Variants in C20orf96 observed in about 807,000 individuals in gnomAD.
C20orf96 encodes the protein chromosome 20 open reading frame 96.
Under a neutral mutation model 52.6 loss-of-function variants are expected in C20orf96, and 57 were observed. The observed-to-expected ratio is 1.08, with a 90% confidence interval of 0.88 to 1.35. The LOEUF is 1.35. Ranked by LOEUF, C20orf96 falls within the 40% of genes most tolerant of loss-of-function variation. The pLI is 0.00. For synonymous variants in C20orf96, 168 were observed against 157.2 expected (o/e 1.07, Z -0.51); for missense variants, 478 against 443.6 (o/e 1.08, Z -0.70).
chr20:273,903 AAGGGAGGGAGGGAGGGAGGG>A (rs1171376663), intron 10 of C20orf96, among the ~76,000 whole-genome samples: 5 of 43,916 alleles, frequency 1.1e-4, no homozygotes, highest in Admixed American at 2.4e-4. Context: ...GAAAGGAAGG[AAGGGAGGGAGGGAGGGAGGG>A]AGGGAGGGAG....
chr20:273,375 G>A (rs1255050645), intron 10 of C20orf96, among the ~76,000 whole-genome samples: 2 of 152,160 alleles, frequency 1.3e-5, no homozygotes, highest in Non-Finnish European at 2.9e-5. Context: ...GGGCCTACAG[G>A]GCACTGCATG....
At chr20:277,556 T>C (rs1425894740) in intron 6 of C20orf96, among the ~76,000 whole-genome samples, 173 bp from the exon 7 acceptor site, 4 of 152,056 alleles carry the variant, frequency 2.6e-5, no homozygotes, top group Non-Finnish European at 4.4e-5. Context: ...TAGACGGTTT[T>C]CCACCCCTGC....
intron 3 of C20orf96, among the ~76,000 whole-genome samples, chr20:288,005 G>T (rs1262423043): frequency 4.7e-5 from 7 of 148,208 alleles, no homozygotes; most frequent in Non-Finnish European, 8.9e-5. Flanking sequence ...TCAAGCTTTT[G>T]GTGTGATACC....
At chr20:282,901 A>C (rs2012288801) in intron 4 of C20orf96, among the ~76,000 whole-genome samples, 2 of 152,140 alleles carry the variant, frequency 1.3e-5, no homozygotes, top group African/African-American at 4.8e-5. Flanking sequence ...AACTAAGAGA[A>C]ATATGAGTTC....
At chr20:288,174 C>CTTTTT (rs1237648367) in intron 3 of C20orf96, among the ~76,000 whole-genome samples, 124 of 66,052 alleles carry the variant, frequency 1.9e-3, no homozygotes, top group African/African-American at 4.9e-3. Flanking sequence ...TTTTCTTTTT[C>CTTTTT]TTTTTTTTTT....
At chr20:281,290 G>A (rs547858347) in intron 4 of C20orf96, among the ~76,000 whole-genome samples, 3 of 151,876 alleles carry the variant, frequency 2.0e-5, no homozygotes, top group Admixed American at 2.0e-4. Flanking sequence ...GGAGTTTACG[G>A]CTGCAGTGAG....
At chr20:275,008 A>G (rs1307934828) in intron 10 of C20orf96, among the ~76,000 whole-genome samples, 4 of 152,060 alleles carry the variant, frequency 2.6e-5, no homozygotes, top group Non-Finnish European at 4.4e-5. Context: ...TAGTAGAGAC[A>G]GGGTTTCATC....
chr20:272,160 A>T (rs974948886), intron 10 of C20orf96, among the ~76,000 whole-genome samples: 1 of 151,966 alleles, frequency 6.6e-6, no homozygotes, highest in African/African-American at 2.4e-5. Flanking sequence ...TCATTATATC[A>T]TTCTCTCTTC....
chr20:287,457 A>G (rs577919412), intron 3 of C20orf96, among the ~76,000 whole-genome samples: 1 of 152,264 alleles, frequency 6.6e-6, no homozygotes. Flanking sequence ...TGACATCTGT[A>G]TATCTGCTTT....
At chr20:272,294 G>A (rs1055674934) in intron 10 of C20orf96, among the ~76,000 whole-genome samples, 4 of 151,884 alleles carry the variant, frequency 2.6e-5, no homozygotes, top group African/African-American at 9.7e-5. Flanking sequence ...CTTGTCAATT[G>A]CCCACCCAAT....
chr20:284,280 G>A lies in C20orf96; in HGVS notation c.188-199C>T, dbSNP rs80009904. ...CAGGACAGACTCTGGGCCTCAATAT[G>A]AGGGAGGGACAAGCCCAGGTGAAAG... On this transcript the variant is annotated intron_variant, in intron 3 of 10. Coordinates refer to ENST00000360321, the MANE Select transcript of C20orf96 (RefSeq NM_153269.3). Among the ~76,000 whole-genome samples the A allele has an allele frequency of 3.7e-3, 559 of 152,312 alleles. 3 individuals are homozygous for A. Among genetic ancestry groups the A allele is most frequent in the East Asian group, 0.024 (125 of 5,190 alleles).
intron 3 of C20orf96, among the ~76,000 whole-genome samples, chr20:288,163 TTTTTC>T (rs1169199261): frequency 1.6e-4 from 21 of 134,990 alleles, no homozygotes; most frequent in African/African-American, 6.2e-4. Context: ...CATTTCTTTC[TTTTTC>T]TTTTTCTTTT....
chr20:278,160 A>C (rs2012090090), intron 6 of C20orf96, among the ~76,000 whole-genome samples, 170 bp downstream of exon 6: 1 of 152,176 alleles, frequency 6.6e-6, no homozygotes, highest in South Asian at 2.1e-4. Context: ...GGAAAGAGCT[A>C]AGTGTTGGGT....
chr20:290,563 A>ATTTTTTTTTTTTTTTTTT, intron 1 of C20orf96, 28 bp downstream of exon 1: 1 of 1,309,060 alleles, frequency 7.6e-7, no homozygotes, highest in African/African-American at 2.0e-5. Context: ...CTTTCTTCCA[A>ATTTTTTTTTTTTTTTTTT]TTTTTTTTTT....
At chr20:289,491 A>G in intron 3 of C20orf96, 68 bp downstream of exon 3, 2 of 1,005,714 alleles carry the variant, frequency 2.0e-6, no homozygotes, top group South Asian at 2.6e-5. Context: ...TGGTGTCACC[A>G]AGAGCCAAAA....
Position 279,257 on chromosome 20 carries a change from C to A in C20orf96, c.380G>T (p.Arg127Leu). The A allele has an allele frequency of 6.2e-7, 1 of 1,611,130 alleles. No homozygotes were observed. ...SRENFLSKLN[R>L]ELIETIQEME... ...CTCCTGGATGGTCTCGATCAGCTCC[C>A]GGTTGAGCTTGCTGAGGAAGTTCTC... is the stretch of plus-strand genomic sequence containing the variant. The change falls in exon 5 of 11, where the codon CGG (arginine) becomes CTG (leucine). Residue 127 changes from arginine to leucine, a missense_variant. Transcript: ENST00000360321.
In C20orf96 at chr20:271,051, G is replaced by A; in HGVS notation, c.*156C>T. 1 of 591,248 alleles carries A rather than the reference G, an allele frequency of 1.7e-6. No individual in the cohort carries two copies. Among genetic ancestry groups the A allele is most frequent in the Non-Finnish European group, 3.0e-6 (1 of 332,956 alleles). 36.6% of individuals were successfully genotyped at this position (591,248 alleles called of 1,614,324 possible). On this transcript the variant is annotated 3_prime_UTR_variant, in exon 11 of 11. Transcript: ENST00000360321. ...GAAGGGAAGGGGGGAAGAAGGGAGGGAGGGAGGGAGGGAAAGAAAGAGGGA... is the reference window on the plus strand; with the variant it reads ...GAAGGGAAGGGGGGAAGAAGGGAGGAAGGGAGGGAGGGAAAGAAAGAGGGA...
At chr20:289,764 C>T in intron 2 of C20orf96, 88 bp from the exon 3 acceptor site, 2 of 1,027,668 alleles carry the variant, frequency 1.9e-6, no homozygotes. Flanking sequence ...AAGCAAGTGA[C>T]TTGACCTCTC....
chr20:279,257 C>T lies in C20orf96; in HGVS notation c.380G>A (p.Arg127Gln), dbSNP rs1413947915. Residue 127 changes from arginine (R) to glutamine (Q), a missense_variant, in exon 5 of 11, where the codon CGG (arginine) becomes CAG (glutamine). Coordinates refer to ENST00000360321, the MANE Select transcript of C20orf96 (RefSeq NM_153269.3). The part of the protein sequence containing the change: ...SRENFLSKLN[R>Q]ELIETIQEME... The stretch of plus-strand genomic sequence containing the variant: ...CTCCTGGATGGTCTCGATCAGCTCC[C>T]GGTTGAGCTTGCTGAGGAAGTTCTC... 1.2e-6 allele frequency: 2 copies of T among 1,611,024 alleles called. No homozygotes were observed. Among genetic ancestry groups the T allele is most frequent in the East Asian group, 2.2e-5 (1 of 44,748 alleles).
Sources: allele counts gnomAD v4.1 joint callset (sites outside exome capture counted in the v4.1 genomes callset), GRCh38; gene constraint gnomAD v4.1.1; transcripts MANE v1.5; gene names NCBI Gene and HGNC (gene_info 2026-07-23, HGNC 2026-07-21).